The following NTRK3 variants were observed in gnomAD, a reference collection of about 807,000 sequenced individuals.
The protein encoded by NTRK3 is NT-3 growth factor receptor.
In NTRK3, 24 loss-of-function variants were observed where a neutral mutation model predicts 91.7. That is an observed-to-expected ratio of 0.26 (90% CI 0.19 to 0.37). NTRK3 has a LOEUF of 0.37. NTRK3 is among the 10% of genes least tolerant of loss of function. NTRK3 has a pLI of 1.00. For missense variants in NTRK3, 880 were observed against 1,068.9 expected (o/e 0.82, Z 2.46); for synonymous variants, 483 against 404.0 (o/e 1.20, Z -2.34).
intron 14 of NTRK3, chr15:87,978,743 G>A (rs1033459192): frequency 3.4e-5 from 8 of 233,848 alleles, no homozygotes; most frequent in Admixed American, 1.7e-4. Context: ...AAAATGTAAA[G>A]TGATTGGTTT....
At position 88,244,207 on chromosome 15, in the gene NTRK3, A is replaced by T. The variant is rs898386631; in HGVS notation, c.248+11699T>A. Among the ~76,000 whole-genome samples, 9 of 152,304 alleles carry T rather than the reference A, an allele frequency of 5.9e-5. No individual in the cohort carries two copies. In the East Asian group the frequency reaches 1.7e-3, roughly 29 times the overall value. ...TGTGACCTAACTTCATATTTCTCCCAGAAAGAGATAGATGGCCAACCATGT... is the reference window on the plus strand; with the variant it reads ...TGTGACCTAACTTCATATTTCTCCCTGAAAGAGATAGATGGCCAACCATGT... On this transcript the variant is annotated intron_variant, in intron 3 of 18. Transcript: ENST00000394480.
At chr15:88,145,176 A>ACTAC (rs1349514774) in intron 6 of NTRK3, among the ~76,000 whole-genome samples, 1 of 152,188 alleles carries the variant, frequency 6.6e-6, no homozygotes, top group Non-Finnish European at 1.5e-5. Flanking sequence ...ACAAGAAAAT[A>ACTAC]CTACCCCCTC....
At chr15:87,952,872 G>C (rs2071277198) in intron 14 of NTRK3, among the ~76,000 whole-genome samples, 1 of 149,312 alleles carries the variant, frequency 6.7e-6, no homozygotes, top group Non-Finnish European at 1.5e-5. Context: ...CCCCCTCTAA[G>C]CCTCTCGCTC....
chr15:88,147,287 C>A (rs780272424), intron 6 of NTRK3, 48 bp downstream of exon 6: 1 of 1,540,120 alleles, frequency 6.5e-7, no homozygotes, highest in Non-Finnish European at 9.0e-7. Flanking sequence ...CCCCATCCAC[C>A]CATTACCAGC....
At chr15:87,899,005 C>T (rs945920182) in intron 17 of NTRK3, among the ~76,000 whole-genome samples, 17 of 152,088 alleles carry the variant, frequency 1.1e-4, no homozygotes, top group African/African-American at 3.9e-4. Context: ...ACTACTAACA[C>T]CATAACAACT....
chr15:88,065,186 G>A (rs560084552), intron 13 of NTRK3, among the ~76,000 whole-genome samples: 14 of 152,140 alleles, frequency 9.2e-5, no homozygotes, highest in African/African-American at 3.1e-4. Flanking sequence ...TCACTGATAG[G>A]AGGCCAACCA....
intron 16 of NTRK3, among the ~76,000 whole-genome samples, chr15:87,930,062 C>T (rs1399249541): frequency 6.6e-6 from 1 of 152,162 alleles, no homozygotes; most frequent in Non-Finnish European, 1.5e-5. Flanking sequence ...TTTGCATCTC[C>T]CACTAGCTCC....
At chr15:88,125,071 CTG>C (rs2053143083) in intron 13 of NTRK3, among the ~76,000 whole-genome samples, 1 of 152,222 alleles carries the variant, frequency 6.6e-6, no homozygotes, top group Admixed American at 6.5e-5. Flanking sequence ...CCTTGACCTC[CTG>C]TGCTCAATCA....
chr15:88,035,894 C>T (rs908155545), intron 13 of NTRK3, among the ~76,000 whole-genome samples: 4 of 151,954 alleles, frequency 2.6e-5, no homozygotes, highest in African/African-American at 9.7e-5. Context: ...AAATTACGAT[C>T]GTCAAAATTT....
chr15:88,225,925 C>T (rs2050633161), intron 3 of NTRK3, among the ~76,000 whole-genome samples: 1 of 152,186 alleles, frequency 6.6e-6, no homozygotes, highest in South Asian at 2.1e-4. Context: ...CCTGCTGCTG[C>T]CTCTGGCCCT....
chr15:88,044,261 T>TTA (rs1020430858), intron 13 of NTRK3, among the ~76,000 whole-genome samples: 1 of 140,052 alleles, frequency 7.1e-6, no homozygotes, highest in Non-Finnish European at 1.6e-5. Context: ...GTTCTTTTTT[T>TTA]TTTTTTTTTT....
intron 5 of NTRK3, among the ~76,000 whole-genome samples, chr15:88,182,947 C>G (rs952971511): frequency 2.6e-5 from 4 of 152,130 alleles, no homozygotes; most frequent in Non-Finnish European, 5.9e-5. Context: ...TGAGCTTTTC[C>G]CCACTGAACC....
intron 14 of NTRK3, among the ~76,000 whole-genome samples, chr15:87,973,419 A>T (rs536455097): frequency 6.6e-6 from 1 of 152,190 alleles, no homozygotes; most frequent in Non-Finnish European, 1.5e-5. Context: ...TCTTGCCAGC[A>T]TATCTCCTTC....
At chr15:87,915,002 G>C (rs1429198899) in intron 17 of NTRK3, among the ~76,000 whole-genome samples, 1 of 152,156 alleles carries the variant, frequency 6.6e-6, no homozygotes, top group African/African-American at 2.4e-5. Context: ...TGATGGTGTT[G>C]GTGGTGTTGG....
intron 17 of NTRK3, among the ~76,000 whole-genome samples, chr15:87,925,904 T>A (rs1468599434): frequency 6.6e-6 from 1 of 152,234 alleles, no homozygotes; most frequent in Non-Finnish European, 1.5e-5. Flanking sequence ...TTGTCTTGGC[T>A]TGGATGTGAG....
rs186932773 is a variant in NTRK3, at chr15:87,980,470, G to T, written c.1586-39717C>A. Among the ~76,000 whole-genome samples the T allele has an allele frequency of 1.3e-4, 20 of 152,162 alleles. 1 individual carries two copies. The East Asian group carries it at 2.3e-3, about 18-fold the overall frequency. Reference sequence around the variant, plus strand: ...GTGTACACCTGTGTGTTTTCATGTGGATGTGTGTATGTGTTTCCATGTGTG... The same window carrying T: ...GTGTACACCTGTGTGTTTTCATGTGTATGTGTGTATGTGTTTCCATGTGTG... On this transcript the variant is annotated intron_variant, in intron 14 of 18. Transcript: ENST00000394480.
intron 14 of NTRK3, among the ~76,000 whole-genome samples, chr15:88,016,975 AAAAAAG>A (rs1339068126): frequency 6.6e-6 from 1 of 151,278 alleles, no homozygotes; most frequent in Non-Finnish European, 1.5e-5. Flanking sequence ...AAAAAAAAAA[AAAAAAG>A]CCCCTGACCA....
intron 13 of NTRK3, among the ~76,000 whole-genome samples, chr15:88,096,794 C>G (rs1376046416): frequency 6.6e-6 from 1 of 152,190 alleles, no homozygotes; most frequent in Admixed American, 6.5e-5. Context: ...CAGTTACCCA[C>G]TGCAGCAATC....
At chr15:88,194,773 T>A (rs2047681821) in intron 3 of NTRK3, among the ~76,000 whole-genome samples, 1 of 152,220 alleles carries the variant, frequency 6.6e-6, no homozygotes, top group Admixed American at 6.5e-5. Context: ...GACTCCACCA[T>A]GACCAGCAGG....
Sources: allele counts gnomAD v4.1 joint callset (sites outside exome capture counted in the v4.1 genomes callset), GRCh38; gene constraint gnomAD v4.1.1; transcripts MANE v1.5; gene names NCBI Gene and HGNC (gene_info 2026-07-23, HGNC 2026-07-21).